CDH3: variants seen among roughly 807,000 people sequenced by gnomAD.
The protein encoded by CDH3 is cadherin 3, also known as cadherin-3.
CDH3 carries 54 observed loss-of-function variants against 82.0 expected under a neutral mutation model. The ratio of observed to expected loss-of-function variants is 0.66; its 90% CI spans 0.53 to 0.83. The LOEUF (loss-of-function observed/expected upper bound fraction) is 0.83, where lower values mean the gene tolerates loss of function less well. Among genes scored for constraint, CDH3 ranks in the 40% least tolerant of loss-of-function variants. The probability of loss-of-function intolerance (pLI) is 0.00; values close to 1 mark genes in which losing one functional copy is unlikely to be tolerated. For missense variants in CDH3, 1,054 were observed against 1,084.6 expected (o/e 0.97, Z 0.40); for synonymous variants, 446 against 437.9 (o/e 1.02, Z -0.23).
chr16:68,696,359 A>C, intron 15 of CDH3: 1 of 318,206 alleles, frequency 3.1e-6, no homozygotes, highest in Non-Finnish European at 6.2e-6. Context: ...CAGAGGTTGC[A>C]GTGAGCCGAC....
chr16:68,655,684 C>G (rs560509224), intron 2 of CDH3, among the ~76,000 whole-genome samples: 1 of 151,898 alleles, frequency 6.6e-6, no homozygotes, highest in East Asian at 1.9e-4. Context: ...TCTCTGCTAA[C>G]AACAACAACA....
At chr16:68,664,616 C>A (rs1034394765) in intron 2 of CDH3, among the ~76,000 whole-genome samples, 4 of 152,114 alleles carry the variant, frequency 2.6e-5, no homozygotes, top group Non-Finnish European at 5.9e-5. Flanking sequence ...TAGAAAGGAA[C>A]AAACTGGTGA....
intron 1 of CDH3, among the ~76,000 whole-genome samples, chr16:68,709,466 G>A (rs1355248688): frequency 6.6e-6 from 1 of 151,902 alleles, no homozygotes; most frequent in African/African-American, 2.4e-5. Flanking sequence ...GTCTACAGTG[G>A]GGTGAGCAGG....
chr16:68,668,511 G>C (rs1960799383), intron 2 of CDH3, among the ~76,000 whole-genome samples: 1 of 152,176 alleles, frequency 6.6e-6, no homozygotes. Flanking sequence ...ACTATGTCTT[G>C]ACTCATAGCT....
At position 68,681,092 on chromosome 16, in the gene CDH3, A is replaced by C; in HGVS notation, c.992A>C (p.Gln331Pro). Reference sequence around the variant, plus strand: ...GACAATGCTCCCATGTTTGACCCCCAGAAGGTAATGCCCCTTCCTCACTCA... The same window carrying C: ...GACAATGCTCCCATGTTTGACCCCCCGAAGGTAATGCCCCTTCCTCACTCA... The part of the protein sequence containing the change: ...ANDNAPMFDP[Q>P]KYEAHVPENA... Residue 331 changes from glutamine to proline, a missense_variant, in exon 8 of 16, where the codon CAG becomes CCG. Physicochemically the swap from Gln to Pro is moderately conservative, Grantham distance 76. Coordinates refer to ENST00000264012, the MANE Select transcript of CDH3 (RefSeq NM_001793.6). The C allele has an allele frequency of 6.2e-7, 1 of 1,613,944 alleles. No individual in the cohort carries two copies.
intron 9 of CDH3, among the ~76,000 whole-genome samples, chr16:68,683,323 A>G (rs1198495406): frequency 6.6e-6 from 1 of 152,144 alleles, no homozygotes; most frequent in Non-Finnish European, 1.5e-5. Context: ...CTAACTCATT[A>G]TTTCTAAAAA....
At chr16:68,721,873 T>C (rs1962168361) in intron 1 of CDH3, among the ~76,000 whole-genome samples, 1 of 152,092 alleles carries the variant, frequency 6.6e-6, no homozygotes, top group African/African-American at 2.4e-5. Flanking sequence ...GCAGATCACT[T>C]GACGTCAGGA....
chr16:68,653,536 C>T lies in CDH3; in HGVS notation c.160+7786C>T, dbSNP rs539088065. On this transcript the variant is annotated intron_variant, in intron 2 of 15. Coordinates refer to ENST00000264012, the MANE Select transcript of CDH3 (RefSeq NM_001793.6). ...ACAGGCTTGAGCCATCGCGCCCGGCCGGCAGCAAGTTTTTATTATGTGCTT... is the reference window on the plus strand; with the variant it reads ...ACAGGCTTGAGCCATCGCGCCCGGCTGGCAGCAAGTTTTTATTATGTGCTT... 1.8e-4 allele frequency among the ~76,000 whole-genome samples: 27 copies of T among 152,172 alleles called. No homozygotes were observed. In the South Asian group the frequency reaches 2.1e-3, roughly 12 times the overall value.
intron 9 of CDH3, 31 bp from the exon 10 acceptor site, chr16:68,684,552 G>T (rs1440274560): frequency 6.2e-7 from 1 of 1,613,680 alleles, no homozygotes; most frequent in African/African-American, 1.3e-5. Flanking sequence ...TCAAAATGGT[G>T]GTCCAGGTCC....
intron 2 of CDH3, among the ~76,000 whole-genome samples, chr16:68,648,643 G>T (rs932618470): frequency 2.6e-5 from 4 of 152,030 alleles, no homozygotes; most frequent in African/African-American, 9.7e-5. Context: ...TAGAGACGGG[G>T]TCTCACTATG....
intron 12 of CDH3, among the ~76,000 whole-genome samples, chr16:68,688,315 C>T (rs75979118): frequency 3.9e-5 from 6 of 152,090 alleles, no homozygotes; most frequent in African/African-American, 7.2e-5. Flanking sequence ...CATGGCCACA[C>T]GCAGTGGCTT....
intron 1 of CDH3, among the ~76,000 whole-genome samples, chr16:68,705,794 G>A (rs1236630193): frequency 2.0e-5 from 3 of 151,206 alleles, no homozygotes; most frequent in Non-Finnish European, 4.4e-5. Context: ...AGCCGGGCGC[G>A]GTGGCTCACG....
At chr16:68,667,464 C>G (rs1960764630) in intron 2 of CDH3, among the ~76,000 whole-genome samples, 1 of 152,142 alleles carries the variant, frequency 6.6e-6, no homozygotes, top group African/African-American at 2.4e-5. Flanking sequence ...GACATTTTGT[C>G]TACGGAAAGA....
chr16:68,715,546 A>T (rs989080108), intron 1 of CDH3, among the ~76,000 whole-genome samples: 17 of 152,168 alleles, frequency 1.1e-4, no homozygotes, highest in African/African-American at 4.1e-4. Flanking sequence ...AGTCCTGCTC[A>T]TCTTCTCCCA....
downstream of CDH3, among the ~76,000 whole-genome samples, chr16:68,704,734 G>A (rs1961939640): frequency 1.3e-5 from 2 of 152,196 alleles, no homozygotes; most frequent in South Asian, 4.1e-4. Flanking sequence ...CAACCCTGGG[G>A]AGAGTTTCGA....
At chr16:68,713,457 C>T (rs1281959600) in intron 1 of CDH3, among the ~76,000 whole-genome samples, 3 of 151,822 alleles carry the variant, frequency 2.0e-5, no homozygotes, top group Non-Finnish European at 2.9e-5. Context: ...TCAGAGTCTG[C>T]TTACAAACCC....
intron 2 of CDH3, among the ~76,000 whole-genome samples, chr16:68,673,085 A>T (rs776167812): frequency 6.6e-6 from 1 of 152,210 alleles, no homozygotes; most frequent in Non-Finnish European, 1.5e-5. Flanking sequence ...ATTCTGGCTT[A>T]GCTATTATGA....
exon 2 of CDH3, chr16:68,722,576 G>A (rs961735826): frequency 2.6e-5 from 4 of 152,130 alleles, no homozygotes; most frequent in African/African-American, 7.2e-5. Context: ...ACATGAGCAC[G>A]TGGGGTGGAC....
At position 68,676,381 on chromosome 16, in the gene CDH3, A is replaced by G; in HGVS notation, c.161-4A>G. 6.2e-7 allele frequency: 1 copy of G among 1,609,464 alleles called. No homozygotes were observed. On this transcript the variant is annotated splice_polypyrimidine_tract_variant and splice_region_variant and intron_variant, in intron 2 of 15. Transcript: ENST00000264012. ...CTAATGCTCTCTCTTCCCCTTCCCCACAGTATTCATGGGCTGCCCTGGGCA... is the reference window on the plus strand; with the variant it reads ...CTAATGCTCTCTCTTCCCCTTCCCCGCAGTATTCATGGGCTGCCCTGGGCA...
Sources: gnomAD v4.1 joint callset for allele counts (sites outside exome capture counted in the v4.1 genomes callset) on GRCh38, gnomAD v4.1.1 for gene constraint, MANE v1.5 for transcripts, NCBI Gene and HGNC (gene_info 2026-07-23, HGNC 2026-07-21) for gene names.